The following MAN1C1 variants were observed in gnomAD, a reference collection of about 807,000 sequenced individuals.
MAN1C1 encodes mannosidase alpha class 1C member 1.
In MAN1C1, 49 loss-of-function variants were observed where a neutral mutation model predicts 71.5. The ratio of observed to expected loss-of-function variants is 0.69; its 90% CI spans 0.54 to 0.87. The LOEUF (loss-of-function observed/expected upper bound fraction) is 0.87. Among genes scored for constraint, MAN1C1 ranks in the 40% least tolerant of loss-of-function variants. MAN1C1 has a pLI of 0.00. For synonymous variants in MAN1C1, 352 were observed against 343.7 expected, an observed-to-expected ratio of 1.02 and a Z score of -0.27; for missense variants, 743 against 835.0, an observed-to-expected ratio of 0.89 and a Z score of 1.36.
Position 25,783,741 on chromosome 1 carries a change from C to G in MAN1C1, c.1845C>G (p.Leu615=), listed in dbSNP as rs2047729643. The part of the protein sequence containing the change: ...DWVFNTEAHP[L]PVNHSDSSGR... ...TGTTCAACACCGAGGCCCACCCACT[C>G]CCGGTGAACCACTCAGACAGCTCCG... Residue 615 remains leucine, a synonymous_variant, in exon 12 of 12, where the codon CTC becomes CTG. Coordinates refer to ENST00000374332, the MANE Select transcript of MAN1C1 (RefSeq NM_020379.4). 6.2e-7 allele frequency: 1 copy of G among 1,613,014 alleles called. No individual in the cohort carries two copies. Among genetic ancestry groups the G allele is most frequent in the South Asian group, 1.1e-5 (1 of 91,090 alleles).
intron 2 of MAN1C1, among the ~76,000 whole-genome samples, chr1:25,734,667 C>T (rs1272267353): frequency 6.6e-6 from 1 of 152,186 alleles, no homozygotes; most frequent in Non-Finnish European, 1.5e-5. Flanking sequence ...CACTGGCTGT[C>T]TAGGTGGCCT....
chr1:25,624,929 TA>T (rs758421367), intron 1 of MAN1C1, among the ~76,000 whole-genome samples: 1 of 152,166 alleles, frequency 6.6e-6, no homozygotes, highest in Non-Finnish European at 1.5e-5. Context: ...TCTTATTTTT[TA>T]TACAACAACC....
intron 1 of MAN1C1, among the ~76,000 whole-genome samples, chr1:25,623,281 T>TTAAGTTTC (rs2045242918): frequency 6.6e-6 from 1 of 152,196 alleles, no homozygotes; most frequent in Non-Finnish European, 1.5e-5. Context: ...CACACGTTGG[T>TTAAGTTTC]TGTGTCTCTG....
chr1:25,667,222 A>G (rs1000562097), intron 1 of MAN1C1, among the ~76,000 whole-genome samples: 17 of 152,046 alleles, frequency 1.1e-4, no homozygotes, highest in Non-Finnish European at 2.2e-4. Flanking sequence ...GGTGGCTCAC[A>G]CCTGTAATCC....
chr1:25,673,779 A>C (rs1340697675), intron 1 of MAN1C1, among the ~76,000 whole-genome samples: 1 of 152,192 alleles, frequency 6.6e-6, no homozygotes, highest in Non-Finnish European at 1.5e-5. Context: ...TATGTCCCAT[A>C]AATGTCTGTA....
chr1:25,783,739 C>A lies in MAN1C1; in HGVS notation c.1843C>A (p.Leu615Ile), dbSNP rs781419647. 8.1e-6 allele frequency: 13 copies of A among 1,613,234 alleles called. 1 individual carries two copies. In the South Asian group the frequency reaches 1.4e-4, roughly 18 times the overall value. The change falls in exon 12 of 12, where the codon CTC becomes ATC. Residue 615 changes from leucine (L) to isoleucine (I), a missense_variant. Transcript: ENST00000374332. ...GGTGTTCAACACCGAGGCCCACCCA[C>A]TCCCGGTGAACCACTCAGACAGCTC... ...DWVFNTEAHPLPVNHSDSSGR... is the reference protein window; with the variant it reads ...DWVFNTEAHPIPVNHSDSSGR...
At chr1:25,703,892 G>A (rs961909515) in intron 2 of MAN1C1, among the ~76,000 whole-genome samples, 5 of 152,148 alleles carry the variant, frequency 3.3e-5, no homozygotes, top group South Asian at 2.1e-4. Context: ...GAAGCTTTTG[G>A]ATGCTTTGGG....
chr1:25,665,648 A>G (rs1024154240), intron 1 of MAN1C1, among the ~76,000 whole-genome samples: 1 of 151,960 alleles, frequency 6.6e-6, no homozygotes, highest in African/African-American at 2.4e-5. Context: ...ACCTAAGAAG[A>G]TCACTGATGG....
intron 7 of MAN1C1, among the ~76,000 whole-genome samples, chr1:25,768,302 T>TTATA (rs2047482495): frequency 2.2e-4 from 1 of 4,588 alleles, no homozygotes; most frequent in Non-Finnish European, 4.0e-4. Flanking sequence ...CACACACGCA[T>TTATA]TACACACTCC....
At chr1:25,657,676 A>C (rs2045787188) in intron 1 of MAN1C1, among the ~76,000 whole-genome samples, 2 of 152,172 alleles carry the variant, frequency 1.3e-5, no homozygotes, top group Admixed American at 1.3e-4. Flanking sequence ...CACAAAAAGG[A>C]GATTGATACA....
intron 1 of MAN1C1, among the ~76,000 whole-genome samples, chr1:25,657,962 C>T (rs2045792114): frequency 6.6e-6 from 1 of 152,202 alleles, no homozygotes; most frequent in African/African-American, 2.4e-5. Context: ...AGCCGGACCA[C>T]TGCTCACTTT....
At chr1:25,640,679 G>A (rs1305363730) in intron 1 of MAN1C1, among the ~76,000 whole-genome samples, 1 of 152,182 alleles carries the variant, frequency 6.6e-6, no homozygotes, top group Non-Finnish European at 1.5e-5. Flanking sequence ...TAATAGCTCA[G>A]TCTAGAGACT....
chr1:25,742,096 G>A (rs756215808), intron 2 of MAN1C1, among the ~76,000 whole-genome samples: 3 of 152,220 alleles, frequency 2.0e-5, no homozygotes, highest in Non-Finnish European at 4.4e-5. Flanking sequence ...TTAGCTAGTG[G>A]AACCAGTTCA....
chr1:25,659,042 T>A (rs1444341384), intron 1 of MAN1C1: 2 of 152,408 alleles, frequency 1.3e-5, no homozygotes, highest in Non-Finnish European at 1.5e-5. Flanking sequence ...AGCAGGAGGC[T>A]GTTGCAAGGC....
intron 6 of MAN1C1, chr1:25,759,115 G>A (rs2047328177): frequency 4.9e-6 from 1 of 205,560 alleles, no homozygotes; most frequent in East Asian, 1.1e-4. Flanking sequence ...GCTTTTCCAT[G>A]TGAGATCTGC....
intron 2 of MAN1C1, among the ~76,000 whole-genome samples, chr1:25,700,562 G>A (rs2046428322): frequency 6.6e-6 from 1 of 152,210 alleles, no homozygotes; most frequent in African/African-American, 2.4e-5. Context: ...AGAAGACACA[G>A]GCCATCCCCC....
At chr1:25,647,030 T>G (rs1395221246) in intron 1 of MAN1C1, among the ~76,000 whole-genome samples, 1 of 152,142 alleles carries the variant, frequency 6.6e-6, no homozygotes, top group Non-Finnish European at 1.5e-5. Context: ...ACACTCTCAA[T>G]AGCAGTGTAT....
At chr1:25,682,597 G>T (rs2046169940) in intron 1 of MAN1C1, among the ~76,000 whole-genome samples, 1 of 152,184 alleles carries the variant, frequency 6.6e-6, no homozygotes, top group South Asian at 2.1e-4. Flanking sequence ...GTGGCTGAAG[G>T]TCTGTGGTAT....
At chr1:25,684,171 T>C (rs2046195204) in intron 1 of MAN1C1, among the ~76,000 whole-genome samples, 1 of 152,106 alleles carries the variant, frequency 6.6e-6, no homozygotes. Flanking sequence ...AACAGCTTGC[T>C]GCTTGCCCCC....
Sources: allele counts gnomAD v4.1 joint callset (sites outside exome capture counted in the v4.1 genomes callset), GRCh38; gene constraint gnomAD v4.1.1; transcripts MANE v1.5; gene names NCBI Gene and HGNC (gene_info 2026-07-23, HGNC 2026-07-21).